The following ITSN1 variants were observed in gnomAD, a reference collection of about 807,000 sequenced individuals.
ITSN1 encodes the protein intersectin-1.
ITSN1 carries 58 observed loss-of-function variants against 239.8 expected under a neutral mutation model. The observed-to-expected ratio is 0.24, with a 90% CI of 0.20 to 0.30. The LOEUF (loss-of-function observed/expected upper bound fraction) is 0.30, where lower values mean the gene tolerates loss of function less well. Among genes scored for constraint, ITSN1 ranks in the 10% least tolerant of loss-of-function variants. The probability of loss-of-function intolerance (pLI) is 1.00; values close to 1 mark genes in which losing one functional copy is unlikely to be tolerated. For synonymous variants in ITSN1, 780 were observed against 770.8 expected (o/e 1.01, Z -0.20); for missense variants, 1,558 against 2,103.3 (o/e 0.74, Z 5.07).
chr21:33,754,962 C>T lies in ITSN1; in HGVS notation c.624-335C>T, dbSNP rs1366142211. Among the ~76,000 whole-genome samples the T allele has an allele frequency of 3.3e-5, 5 of 152,230 alleles. No homozygotes were observed. The South Asian group carries it at 6.2e-4, about 19-fold the overall frequency. ...GAAGTGTTTTAGAAATTAGAATAGC[C>T]TGGACATTATTGTTTTACCTCAGTT... On this transcript the variant is annotated intron_variant, in intron 7 of 39. Transcript: ENST00000381318.
chr21:33,873,527 A>T (rs1281086587), intron 33 of ITSN1, among the ~76,000 whole-genome samples: 5 of 152,178 alleles, frequency 3.3e-5, no homozygotes, highest in African/African-American at 1.2e-4. Flanking sequence ...ACACCATATA[A>T]AGGAGGCTAT....
At chr21:33,780,186 A>C (rs774334308) in intron 14 of ITSN1, among the ~76,000 whole-genome samples, 2 of 152,216 alleles carry the variant, frequency 1.3e-5, no homozygotes, top group African/African-American at 4.8e-5. Context: ...TTAGGGATGA[A>C]GGCCATGTGT....
chr21:33,724,736 G>T (rs931343823), intron 4 of ITSN1, among the ~76,000 whole-genome samples: 1 of 152,200 alleles, frequency 6.6e-6, no homozygotes, highest in African/African-American at 2.4e-5. Context: ...GTCTAGTGGA[G>T]GGAGACAATA....
At chr21:33,830,661 A>C (rs1408372565) in intron 27 of ITSN1, among the ~76,000 whole-genome samples, 1 of 152,220 alleles carries the variant, frequency 6.6e-6, no homozygotes, top group Non-Finnish European at 1.5e-5. Context: ...CCTGTGTGAA[A>C]GAAAACCACG....
chr21:33,768,954 A>G (rs1263554974), intron 11 of ITSN1, among the ~76,000 whole-genome samples: 1 of 152,274 alleles, frequency 6.6e-6, no homozygotes, highest in African/African-American at 2.4e-5. Context: ...TAAGACATCC[A>G]TATAAGCAAT....
At chr21:33,729,722 TAGTC>T (rs1262938903) in intron 4 of ITSN1, among the ~76,000 whole-genome samples, 2 of 152,070 alleles carry the variant, frequency 1.3e-5, no homozygotes, top group African/African-American at 2.4e-5. Context: ...GGCAGGGGAA[TAGTC>T]AGTTAGGTAA....
chr21:33,725,384 T>A (rs2065768039), intron 4 of ITSN1, among the ~76,000 whole-genome samples: 1 of 152,032 alleles, frequency 6.6e-6, no homozygotes, highest in Non-Finnish European at 1.5e-5. Flanking sequence ...TCCACCTGCC[T>A]CGACCTCCCA....
chr21:33,660,147 G>A (rs2089441433), intron 1 of ITSN1, among the ~76,000 whole-genome samples: 2 of 152,096 alleles, frequency 1.3e-5, no homozygotes, highest in Non-Finnish European at 2.9e-5. Flanking sequence ...TTACTACTTT[G>A]CTCTTAATGG....
chr21:33,820,158 A>G (rs1158102595), intron 24 of ITSN1, among the ~76,000 whole-genome samples: 1 of 152,144 alleles, frequency 6.6e-6, no homozygotes, highest in Non-Finnish European at 1.5e-5. Flanking sequence ...AATCATTTTG[A>G]GTATTTATTA....
intron 20 of ITSN1, among the ~76,000 whole-genome samples, chr21:33,803,975 A>G (rs1211730386): frequency 6.6e-5 from 10 of 152,214 alleles, no homozygotes; most frequent in African/African-American, 2.4e-4. Flanking sequence ...ATAACAGTCA[A>G]TGCAAAAAGA....
At position 33,858,781 on chromosome 21, in the gene ITSN1, C is replaced by T; in HGVS notation, c.3879C>T (p.Ile1293=). ...VNWKELIMCN[I]KLLKALRVRK... is the part of the protein sequence containing the mutation. ...GGAAGGAGCTGATTATGTGTAATAT[C>T]AAACTACTAAAGTAAGCCTCTCCTC... Residue 1293 remains isoleucine (I), a synonymous_variant, in exon 31 of 40, where the codon ATC becomes ATT. Transcript: ENST00000381318. The T allele has an allele frequency of 6.2e-7, 1 of 1,606,076 alleles. No individual in the cohort carries two copies. Among genetic ancestry groups the T allele is most frequent in the Non-Finnish European group, 8.5e-7 (1 of 1,173,028 alleles).
Position 33,774,519 on chromosome 21 carries a change from T to G in ITSN1, c.1306-210T>G. On this transcript the variant is annotated intron_variant, in intron 12 of 39. Coordinates refer to ENST00000381318, the MANE Select transcript of ITSN1 (RefSeq NM_003024.3). ...CATCTTACGTAAATATAGTATTATG[T>G]AAATATAATACCCAGTTCTGTGTAT... 6.6e-6 allele frequency: 3 copies of G among 454,460 alleles called. No homozygotes were observed. The Admixed American group carries it at 1.1e-4, about 17-fold the overall frequency. The allele number at this position is 454,460 out of a possible 1,614,324, so 28.2% of individuals were successfully genotyped here.
chr21:33,679,826 T>C (rs2090832957), intron 1 of ITSN1, among the ~76,000 whole-genome samples: 1 of 149,810 alleles, frequency 6.7e-6, no homozygotes, highest in Non-Finnish European at 1.5e-5. Flanking sequence ...GCCTCCCAAG[T>C]AGCTGGGACT....
At chr21:33,710,639 C>T (rs989639412) in intron 1 of ITSN1, among the ~76,000 whole-genome samples, 18 of 151,388 alleles carry the variant, frequency 1.2e-4, no homozygotes, top group Admixed American at 3.9e-4. Flanking sequence ...TTTTTTGTAA[C>T]GTCTGTGAGG....
At chr21:33,794,734 G>T (rs1326152086) in intron 17 of ITSN1, among the ~76,000 whole-genome samples, 3 of 152,140 alleles carry the variant, frequency 2.0e-5, no homozygotes, top group African/African-American at 7.2e-5. Context: ...GGGACACTTG[G>T]TGTGCTCATT....
At chr21:33,814,230 C>T in intron 22 of ITSN1, 158 bp downstream of exon 22, 6 of 365,300 alleles carry the variant, frequency 1.6e-5, no homozygotes, top group Non-Finnish European at 2.5e-5. Context: ...CAGAAATCTG[C>T]TGTGAATAGT....
At chr21:33,856,330 A>C (rs1035999796) in intron 29 of ITSN1, among the ~76,000 whole-genome samples, 3 of 152,128 alleles carry the variant, frequency 2.0e-5, no homozygotes, top group African/African-American at 7.2e-5. Flanking sequence ...ATTGCCATAC[A>C]TTCCTGGAGG....
At chr21:33,706,110 C>G (rs1037178854) in intron 1 of ITSN1, among the ~76,000 whole-genome samples, 1 of 152,160 alleles carries the variant, frequency 6.6e-6, no homozygotes, top group African/African-American at 2.4e-5. Context: ...ACCTCTGCCT[C>G]CTGGGTTCAA....
chr21:33,750,991 G>A (rs1207576141), intron 6 of ITSN1, among the ~76,000 whole-genome samples: 1 of 152,100 alleles, frequency 6.6e-6, no homozygotes, highest in Non-Finnish European at 1.5e-5. Context: ...CAGTATTGAC[G>A]ACATGGGTTT....
Sources: gnomAD v4.1 joint callset for allele counts (sites outside exome capture counted in the v4.1 genomes callset) on GRCh38, gnomAD v4.1.1 for gene constraint, MANE v1.5 for transcripts, NCBI Gene and HGNC (gene_info 2026-07-23, HGNC 2026-07-21) for gene names.